The following SCN9A variants were observed in gnomAD, a reference collection of about 807,000 sequenced individuals.
SCN9A encodes the protein sodium channel protein type 9 subunit alpha.
In SCN9A, 131 loss-of-function variants were observed where a neutral mutation model predicts 187.0. The ratio of observed to expected loss-of-function variants is 0.70; its 90% CI spans 0.61 to 0.81. The LOEUF (loss-of-function observed/expected upper bound fraction) is 0.81. Among genes scored for constraint, SCN9A ranks in the 30% least tolerant of loss-of-function variants. SCN9A has a pLI of 0.00. For missense variants in SCN9A, 2,252 were observed against 2,396.6 expected, an observed-to-expected ratio of 0.94 and a Z score of 1.26; for synonymous variants, 809 against 808.6, an observed-to-expected ratio of 1.00 and a Z score of -0.01.
In SCN9A at chr2:166,272,605, C is replaced by T. The variant is rs749888741; in HGVS notation, c.3145G>A (p.Gly1049Ser). 4 of 1,613,310 alleles carry T rather than the reference C, an allele frequency of 2.5e-6. No individual in the cohort carries two copies. In the East Asian group the frequency reaches 8.9e-5, roughly 36 times the overall value. ...SNHTLAEMSK[G>S]HNFLKEKDKI... ...TCTTTTTCCTTGAGGAAATTGTGAC[C>T]TTTGCTCATTTCAGCAAGTGTATGG... The change falls in exon 17 of 27, where the codon GGT (glycine) becomes AGT (serine). Residue 1049 changes from glycine (G) to serine (S), a missense_variant. Physicochemically the swap from Gly to Ser is moderately conservative, Grantham distance 56. Around this residue, in one of 7 missense-constraint regions of SCN9A, gnomAD observed 313 missense variants for 295.3 expected, o/e 1.06. Coordinates refer to ENST00000642356, the MANE Select transcript of SCN9A (RefSeq NM_001365536.1).
At position 166,311,657 on chromosome 2, in the gene SCN9A, C is replaced by A. The variant is rs1274442703; in HGVS notation, c.100G>T (p.Glu34Ter). 1 of 1,613,160 alleles carries A rather than the reference C, an allele frequency of 6.2e-7. No individual in the cohort carries two copies. The highest frequency in any genetic ancestry group is 8.5e-7 in the Non-Finnish European group (1 of 1,179,686). The change falls in exon 2 of 27, where the codon GAA becomes TAA. Residue 34 changes from glutamate (E) to a stop codon, truncating the protein, a stop_gained. Transcript: ENST00000642356. LOFTEE classifies it high-confidence loss of function. Reference protein sequence around the residue: ...EQRIAERKSKEPKEEKKDDDE... With the variant: ...EQRIAERKSK ...TCATCTTTCTTTTCTTCTTTGGGTT[C>A]CTTTGATTTTCTTTCAGCAATGCGT...
chr2:166,218,467 T>A (rs1694437060), intron 24 of SCN9A, among the ~76,000 whole-genome samples: 1 of 151,968 alleles, frequency 6.6e-6, no homozygotes, highest in Non-Finnish European at 1.5e-5. Flanking sequence ...AGAAACAGCA[T>A]ATAAAGGTGG....
chr2:166,275,837 G>C (rs1240497634), intron 16 of SCN9A, among the ~76,000 whole-genome samples: 1 of 152,112 alleles, frequency 6.6e-6, no homozygotes, highest in East Asian at 1.9e-4. Flanking sequence ...TGTATGTCTG[G>C]CACAGTATCA....
At chr2:166,373,884 GATTTTATT>G (rs1700622811) in intron 1 of SCN9A, among the ~76,000 whole-genome samples, 1 of 152,098 alleles carries the variant, frequency 6.6e-6, no homozygotes, top group African/African-American at 2.4e-5. Context: ...ATAAAAAATA[GATTTTATT>G]ATTCATGTAA....
Position 166,311,674 on chromosome 2 carries a change from G to A in SCN9A, c.83C>T (p.Ala28Val), listed in dbSNP as rs1698965479. The A allele has an allele frequency of 6.2e-7, 1 of 1,613,152 alleles. No homozygotes were observed. The highest frequency in any genetic ancestry group is 1.3e-5 in the African/African-American group (1 of 74,742). Residue 28 changes from alanine (A) to valine (V), a missense_variant, in exon 2 of 27, where the codon GCT becomes GTT. Ala to Val is a moderately conservative substitution (Grantham distance 64, BLOSUM62 0). This residue lies in a region of SCN9A where 1,013 missense variants were observed against 997.4 expected (regional missense o/e 1.02). Transcript: ENST00000642356. Reference protein sequence around the residue: ...QSLALIEQRIAERKSKEPKEE... With the variant: ...QSLALIEQRIVERKSKEPKEE... Reference sequence around the variant, plus strand: ...TTTGGGTTCCTTTGATTTTCTTTCAGCAATGCGTTGTTCAATGAGGGCAAG... The same window carrying A: ...TTTGGGTTCCTTTGATTTTCTTTCAACAATGCGTTGTTCAATGAGGGCAAG...
chr2:166,292,105 A>G (rs1195946915), intron 9 of SCN9A, among the ~76,000 whole-genome samples: 1 of 152,222 alleles, frequency 6.6e-6, no homozygotes, highest in African/African-American at 2.4e-5. Context: ...TCTGCACAGC[A>G]AAAGAAACTA....
At chr2:166,264,004 A>G (rs1380167937) in intron 17 of SCN9A, among the ~76,000 whole-genome samples, 1 of 151,956 alleles carries the variant, frequency 6.6e-6, no homozygotes, top group African/African-American at 2.4e-5. Flanking sequence ...TAAGCCACTG[A>G]GTTTTGCTAA....
At chr2:166,269,155 G>A (rs1696867599) in intron 17 of SCN9A, among the ~76,000 whole-genome samples, 1 of 151,736 alleles carries the variant, frequency 6.6e-6, no homozygotes, top group African/African-American at 2.4e-5. Flanking sequence ...AAGAATATTA[G>A]AATATTAACA....
intron 24 of SCN9A, among the ~76,000 whole-genome samples, chr2:166,219,880 A>G (rs957957566): frequency 6.6e-6 from 1 of 152,324 alleles, no homozygotes; most frequent in African/African-American, 2.4e-5. Flanking sequence ...GAAAATTTCT[A>G]CAATGTTTAT....
At chr2:166,293,144 AT>A in intron 9 of SCN9A, 86 bp downstream of exon 9, 1 of 1,233,948 alleles carries the variant, frequency 8.1e-7, no homozygotes, top group South Asian at 1.5e-5. Context: ...TCTCAAATAA[AT>A]AAAAAACCTC....
intron 1 of SCN9A, among the ~76,000 whole-genome samples, chr2:166,355,789 A>ATTT (rs10538478): frequency 1.2e-3 from 181 of 146,120 alleles, no homozygotes; most frequent in South Asian, 1.9e-3. Flanking sequence ...TAGAAATGAG[A>ATTT]TTTTTTTTTT....
At chr2:166,259,388 A>T (rs951054213) in intron 17 of SCN9A, 4 of 151,798 alleles carry the variant, frequency 2.6e-5, no homozygotes, top group African/African-American at 9.7e-5. Context: ...ACCTGTAAGT[A>T]GAAATTAGTT....
intron 26 of SCN9A, among the ~76,000 whole-genome samples, chr2:166,200,636 C>T (rs556208969): frequency 9.0e-4 from 137 of 152,030 alleles, no homozygotes; most frequent in Non-Finnish European, 1.7e-3. Flanking sequence ...TTTTTTGTAA[C>T]CTATTTATTT....
At chr2:166,231,014 T>A (rs537318377) in intron 21 of SCN9A, among the ~76,000 whole-genome samples, 1 of 152,314 alleles carries the variant, frequency 6.6e-6, no homozygotes, top group South Asian at 2.1e-4. Context: ...AATAAATGTC[T>A]CTTTTTGCAT....
chr2:166,268,710 A>G (rs1306095926), intron 17 of SCN9A, among the ~76,000 whole-genome samples: 1 of 151,988 alleles, frequency 6.6e-6, no homozygotes, highest in Non-Finnish European at 1.5e-5. Context: ...ACAGCTTAAT[A>G]TCTTATCAAA....
chr2:166,310,870 G>A (rs1698918514), intron 2 of SCN9A, among the ~76,000 whole-genome samples: 1 of 79,630 alleles, frequency 1.3e-5, no homozygotes, highest in Non-Finnish European at 2.6e-5. Flanking sequence ...ATGATAGACT[G>A]GATTAAGAAA....
chr2:166,277,090 C>T lies in SCN9A; in HGVS notation c.2767G>A (p.Val923Met), dbSNP rs746356598. 28 of 1,614,050 alleles carry T rather than the reference C, an allele frequency of 1.7e-5. No individual in the cohort carries two copies. The highest frequency in any genetic ancestry group is 2.2e-5 in the East Asian group (1 of 44,864). The change falls in exon 16 of 27, where the codon GTG (valine) becomes ATG (methionine). Residue 923 changes from valine to methionine, a missense_variant. Physicochemically the swap from Val to Met is conservative, Grantham distance 21 (BLOSUM62 1). Transcript: ENST00000642356. ...GTCTCTATCCACTCTCCACACAGCA[C>T]GCGGAACACAATCAGGAAGGAGTGG... Reference protein sequence around the residue: ...FFHSFLIVFRVLCGEWIETMW... With the variant: ...FFHSFLIVFRMLCGEWIETMW...
At chr2:166,302,689 A>G (rs1436824628) in intron 7 of SCN9A, 4 of 149,510 alleles carry the variant, frequency 2.7e-5, no homozygotes, top group Non-Finnish European at 1.5e-5. Flanking sequence ...ATAAAAATCT[A>G]TCATAATAAA....
intron 18 of SCN9A, among the ~76,000 whole-genome samples, chr2:166,246,928 G>A (rs950331993): frequency 6.6e-6 from 1 of 151,852 alleles, no homozygotes; most frequent in Non-Finnish European, 1.5e-5. Flanking sequence ...TCTGGTTTTT[G>A]TGCAAAGGTA....
Sources: allele counts gnomAD v4.1 joint callset (sites outside exome capture counted in the v4.1 genomes callset), GRCh38; gene constraint gnomAD v4.1.1; regional missense constraint gnomAD v4.1.1; transcripts MANE v1.5; gene names NCBI Gene and HGNC (gene_info 2026-07-23, HGNC 2026-07-21).